Variants in CROCC2 observed in about 807,000 individuals in gnomAD.
CROCC2 encodes ciliary rootlet coiled-coil, rootletin family member 2, also known as ciliary rootlet coiled-coil protein 2.
Under a neutral mutation model 177.6 loss-of-function variants are expected in CROCC2, and 163 were observed. The observed-to-expected ratio is 0.92, with a 90% CI of 0.81 to 1.05. CROCC2 has a LOEUF of 1.05. Among genes scored for constraint, CROCC2 ranks in the 50% least tolerant of loss-of-function variants. The pLI, the probability that CROCC2 is intolerant of heterozygous loss-of-function variation, is 0.00. For synonymous variants in CROCC2, 904 were observed against 787.3 expected (o/e 1.15, Z -2.48); for missense variants, 1,929 against 1,797.8 (o/e 1.07, Z -1.32).
rs746847390 is a variant in CROCC2 at position 240,935,423 on chromosome 2, C to T, written c.2004C>T (p.Ala668=). The change falls in exon 14 of 32, where the codon GCC becomes GCT. Residue 668 remains alanine (A), a synonymous_variant. Coordinates refer to ENST00000690015, the MANE Select transcript of CROCC2 (RefSeq NM_001351305.2). ...CTCTGGAGCAGGAACGGGCCCGGGC[C>T]GGGGAGCAGCTGGCACAGGCGGAGC... ...RKTLEQERAR[A]GEQLAQAEQQ... 4.8e-5 allele frequency: 66 copies of T among 1,373,972 alleles called. No individual in the cohort carries two copies. In the South Asian group the frequency reaches 7.6e-4, roughly 16 times the overall value. 85.1% of individuals were successfully genotyped at this position (1,373,972 alleles called of 1,614,324 possible).
intron 7 of CROCC2, 84 bp from the exon 8 acceptor site, chr2:240,932,234 G>T: frequency 1.5e-6 from 1 of 647,234 alleles, no homozygotes; most frequent in Non-Finnish European, 2.9e-6. Context: ...ACCGCACAAA[G>T]GAGTCCGGGC....
intron 28 of CROCC2, among the ~76,000 whole-genome samples, chr2:240,985,625 ACACACACCCAGGCAC>A (rs2059834243): frequency 9.7e-6 from 1 of 102,854 alleles, no homozygotes; most frequent in Non-Finnish European, 1.9e-5. Context: ...CACTCACTCC[ACACACACCCAGGCAC>A]TCACTCCACA....
rs12477875 is a variant in CROCC2 at position 240,960,113 on chromosome 2, C to T, written c.3087+669C>T. Among the ~76,000 whole-genome samples the T allele has an allele frequency of 0.38, 56,969 of 151,870 alleles. 11,671 individuals carry two copies. The highest frequency in any genetic ancestry group is 0.48 in the East Asian group (2,438 of 5,110). Reference sequence around the variant, plus strand: ...CAGCTGTCGCCTCCCAAAGCCTTCCCGAGAGACAGGCATGACCTGGGGCGA... The same window carrying T: ...CAGCTGTCGCCTCCCAAAGCCTTCCTGAGAGACAGGCATGACCTGGGGCGA... On this transcript the variant is annotated intron_variant, in intron 20 of 31. Coordinates refer to ENST00000690015, the MANE Select transcript of CROCC2 (RefSeq NM_001351305.2). This position sits in a 1 kb window ranked among gnomAD's most constrained non-coding sequence, Gnocchi z 5.0.
chr2:240,992,998 C>T lies in CROCC2; in HGVS notation c.4947-68C>T, dbSNP rs1377880113. ...ACTCAGCATCGGTCCCTCCAGCCCC[C>T]GGCAGCAGGAGCCCCCATGTGTCCC... On this transcript the variant is annotated intron_variant, in intron 31 of 31. Transcript: ENST00000690015. 20 of 707,536 alleles carry T rather than the reference C, an allele frequency of 2.8e-5. 1 individual carries two copies. In the Middle Eastern group the frequency reaches 7.8e-4, roughly 27 times the overall value. The allele number at this position is 707,536 out of a possible 1,614,324, so 43.8% of individuals were successfully genotyped here. A position where few individuals can be genotyped will look rare whatever the true frequency, so the allele number is the denominator to read the frequency against.
In CROCC2 at chr2:240,959,525, G is replaced by A. The variant is rs1434438034; in HGVS notation, c.3087+81G>A. ...GCAGGTACCAAGAGAGGAGAGAGTG[G>A]GGGTGCCAGGAGGAAAGAGAGGCTG... On this transcript the variant is annotated intron_variant, in intron 20 of 31. Transcript: ENST00000690015. The A allele has an allele frequency of 1.2e-5, 17 of 1,470,144 alleles. No individual in the cohort carries two copies. The East Asian group carries it at 4.2e-4, about 37-fold the overall frequency. 91.1% of individuals were successfully genotyped at this position (1,470,144 alleles called of 1,614,324 possible).
At chr2:240,912,101 C>T (rs1462618284) in intron 1 of CROCC2, among the ~76,000 whole-genome samples, 5 of 152,178 alleles carry the variant, frequency 3.3e-5, no homozygotes, top group African/African-American at 4.8e-5. Flanking sequence ...TCTTACCCTC[C>T]CGCTTCTTTT....
At chr2:240,925,666 G>A in intron 4 of CROCC2, 58 bp from the exon 5 acceptor site, 1 of 647,634 alleles carries the variant, frequency 1.5e-6, no homozygotes, top group Non-Finnish European at 2.8e-6. Context: ...GGGACTCTGA[G>A]CGCCTCTCTT....
In CROCC2 at chr2:240,989,537, G is replaced by A. The variant is rs114161349; in HGVS notation, c.4684-117G>A. 7.0e-4 allele frequency: 692 copies of A among 986,268 alleles called. 6 individuals are homozygous for A. The African/African-American group carries it at 0.01, about 14-fold the overall frequency. 61.1% of individuals were successfully genotyped at this position (986,268 alleles called of 1,614,324 possible). On this transcript the variant is annotated intron_variant, in intron 29 of 31. Transcript: ENST00000690015. ...GGGCAGTCCTGGCCAGGTCAACACC[G>A]GCAGAGGGCAGTGGGGCCCACAAGG...
intron 19 of CROCC2, 140 bp downstream of exon 19, chr2:240,956,112 TC>T: frequency 1.5e-6 from 1 of 653,206 alleles, no homozygotes; most frequent in Non-Finnish European, 2.7e-6. Flanking sequence ...CCCAGGTGCC[TC>T]CAGGGCTCCT....
chr2:240,963,878 C>T (rs1238037865), intron 21 of CROCC2, 105 bp downstream of exon 21: 1 of 1,237,940 alleles, frequency 8.1e-7, no homozygotes, highest in East Asian at 2.6e-5. Context: ...GTCCTGTTGA[C>T]TTGGGCCCCA....
At chr2:240,963,075 T>C (rs1404120009) in intron 20 of CROCC2, among the ~76,000 whole-genome samples, 1 of 152,102 alleles carries the variant, frequency 6.6e-6, no homozygotes, top group Non-Finnish European at 1.5e-5. Flanking sequence ...TGGGCCAGGG[T>C]CACTGTGCCA....
intron 6 of CROCC2, 151 bp from the exon 7 acceptor site, chr2:240,930,780 T>A (rs1485219645): frequency 1.7e-6 from 1 of 583,236 alleles, no homozygotes; most frequent in Non-Finnish European, 3.1e-6. Flanking sequence ...CTTCCTGGTG[T>A]TTGGTGACAC....
chr2:240,932,828 C>T lies in CROCC2; in HGVS notation c.1171C>T (p.His391Tyr), dbSNP rs1205733431. The T allele has an allele frequency of 3.2e-6, 5 of 1,543,170 alleles. No individual in the cohort carries two copies. The South Asian group carries it at 6.0e-5, about 19-fold the overall frequency. Residue 391 changes from histidine (H) to tyrosine (Y), a missense_variant, in exon 9 of 32, where the codon CAC (histidine) becomes TAC (tyrosine). By Grantham distance (83) the His-to-Tyr change is moderately conservative (BLOSUM62 2). This residue lies in a region of CROCC2 where 1,397 missense variants were observed against 1,239.9 expected (regional missense o/e 1.13). Transcript: ENST00000690015. Reference protein sequence around the residue: ...TSPHQGASPPHICSPATLDPA... With the variant: ...TSPHQGASPPYICSPATLDPA... ...CCCCCATCAAGGGGCGTCCCCACCA[C>T]ACATCTGCTCCCCAGCCACCCTGGA...
chr2:240,910,181 G>A (rs990391234), intron 1 of CROCC2, among the ~76,000 whole-genome samples: 1 of 152,162 alleles, frequency 6.6e-6, no homozygotes, highest in Non-Finnish European at 1.5e-5. Flanking sequence ...TCGGACTTGG[G>A]GAGTGCAAAG....
intron 28 of CROCC2, among the ~76,000 whole-genome samples, chr2:240,984,641 T>G (rs1235441914): frequency 1.4e-5 from 1 of 73,808 alleles, no homozygotes; most frequent in East Asian, 4.0e-4. Context: ...ACCCAGGCAC[T>G]CACTCCACAC....
intron 7 of CROCC2, among the ~76,000 whole-genome samples, chr2:240,931,657 C>A (rs1165995149): frequency 6.6e-6 from 1 of 152,196 alleles, no homozygotes; most frequent in Non-Finnish European, 1.5e-5. Context: ...GGAGGCGGCT[C>A]CCCAGTGGAG....
rs187412077 is a variant in CROCC2, at chr2:240,909,267, T to A, written c.78+2676T>A. 9.8e-3 allele frequency among the ~76,000 whole-genome samples: 1,365 copies of A among 139,250 alleles called. 45 individuals are homozygous for A. Among genetic ancestry groups the A allele is most frequent in the African/African-American group, 0.039 (1,289 of 33,276 alleles). The allele number at this position is 139,250 out of a possible 152,430, so 91.4% of individuals were successfully genotyped here. On this transcript the variant is annotated intron_variant, in intron 1 of 31. Coordinates refer to ENST00000690015, the MANE Select transcript of CROCC2 (RefSeq NM_001351305.2). Reference sequence around the variant, plus strand: ...TGGCGTGAGCTCTACCTCCTCCACCTCGGGTGAGCTCTACCTCCTCCACCT... The same window carrying A: ...TGGCGTGAGCTCTACCTCCTCCACCACGGGTGAGCTCTACCTCCTCCACCT...
intron 28 of CROCC2, among the ~76,000 whole-genome samples, chr2:240,985,637 G>A (rs2059834427): frequency 2.6e-5 from 2 of 75,890 alleles, no homozygotes; most frequent in African/African-American, 5.8e-5. Flanking sequence ...ACACACCCAG[G>A]CACTCACTCC....
chr2:240,916,694 C>CT (rs2059323511), intron 1 of CROCC2, among the ~76,000 whole-genome samples: 1 of 152,184 alleles, frequency 6.6e-6, no homozygotes, highest in Non-Finnish European at 1.5e-5. Flanking sequence ...GTCAAGTTTA[C>CT]TCCGCGCTGC....
Sources: allele counts gnomAD v4.1 joint callset (sites outside exome capture counted in the v4.1 genomes callset), GRCh38; gene constraint gnomAD v4.1.1; regional missense constraint gnomAD v4.1.1; non-coding constraint Gnocchi (gnomAD v3.1); transcripts MANE v1.5; gene names NCBI Gene and HGNC (gene_info 2026-07-23, HGNC 2026-07-21).